Variants in OR2C1 observed in about 807,000 individuals in gnomAD.
OR2C1 encodes the protein olfactory receptor family 2 subfamily C member 1, also known as olfactory receptor 2C1.
For missense variants in OR2C1, 468 were observed against 388.3 expected (o/e 1.21, Z -1.73); for synonymous variants, 209 against 167.3 (o/e 1.25, Z -1.92).
the OR2C1 span, among the ~76,000 whole-genome samples, chr16:3,335,420 G>C: frequency 1.3e-5 from 2 of 151,402 alleles, no homozygotes; most frequent in East Asian, 3.9e-4. Context: ...TTGATTCCTA[G>C]GTGTTATATA....
the OR2C1 span, among the ~76,000 whole-genome samples, chr16:3,335,558 G>A: frequency 9.6e-6 from 1 of 103,950 alleles, no homozygotes; most frequent in African/African-American, 3.8e-5. Flanking sequence ...ATTGAGTCTC[G>A]CTCTATTGCC....
chr16:3,347,193 G>T, the OR2C1 span, among the ~76,000 whole-genome samples: 1 of 130,668 alleles, frequency 7.7e-6, no homozygotes, highest in South Asian at 2.5e-4. Flanking sequence ...GTTGCAGTGA[G>T]CCAAGATGGT....
At position 3,356,942 on chromosome 16, in the gene OR2C1, C is replaced by G. The variant is rs2150853069; in HGVS notation, c.*63C>G. 6 of 1,348,996 alleles carry G rather than the reference C, an allele frequency of 4.4e-6. No homozygotes were observed. The South Asian group carries it at 6.0e-5, about 13-fold the overall frequency. 83.6% of individuals were successfully genotyped at this position (1,348,996 alleles called of 1,614,324 possible). ...TACATGCGTTTCTCATTAACTCTCT[C>G]TGGCCAGGTGAACATGAGGAATACT... is the stretch of plus-strand genomic sequence containing the variant. On this transcript the variant is annotated 3_prime_UTR_variant, in exon 1 of 1. Coordinates refer to ENST00000304936, the MANE Select transcript of OR2C1 (RefSeq NM_012368.3).
At chr16:3,355,026 G>A (rs972823719), upstream of OR2C1, among the ~76,000 whole-genome samples, 1 of 152,054 alleles carries the variant, frequency 6.6e-6, no homozygotes, top group Admixed American at 6.6e-5. Flanking sequence ...CTGAACTGAA[G>A]GGCTCTTCAG....
At chr16:3,335,487 A>T in the OR2C1 span, among the ~76,000 whole-genome samples, 2 of 123,202 alleles carry the variant, frequency 1.6e-5, no homozygotes, top group African/African-American at 3.0e-5. Context: ...CATGTTTCAG[A>T]TTGTGTGTTA....
chr16:3,357,002 C>A lies in OR2C1; in HGVS notation c.*123C>A. The A allele has an allele frequency of 1.2e-6, 1 of 810,804 alleles. No individual in the cohort carries two copies. The highest frequency in any genetic ancestry group is 1.9e-6 in the Non-Finnish European group (1 of 515,434). The allele number at this position is 810,804 out of a possible 1,614,324, so 50.2% of individuals were successfully genotyped here. ...AAAACCAAGGCATGTTCCTGACAGC[C>A]CTAAGCTGACAGCCCTAAGCTGTTG... On this transcript the variant is annotated 3_prime_UTR_variant, in exon 1 of 1. Transcript: ENST00000304936.
At chr16:3,343,206 A>G in the OR2C1 span, among the ~76,000 whole-genome samples, 22 of 152,332 alleles carry the variant, frequency 1.4e-4, no homozygotes, top group African/African-American at 4.6e-4. Flanking sequence ...AAAGAAATAA[A>G]TATACCTATG....
At chr16:3,345,414 A>G in the OR2C1 span, among the ~76,000 whole-genome samples, 1 of 152,016 alleles carries the variant, frequency 6.6e-6, no homozygotes, top group Admixed American at 6.6e-5. Context: ...TGAACCCAGG[A>G]GGCAGAGCTT....
the OR2C1 span, chr16:3,324,028 C>A: frequency 2.3e-6 from 1 of 428,298 alleles, no homozygotes; most frequent in East Asian, 3.7e-5. Context: ...ATGATTTGTA[C>A]AATCAACTGA....
the OR2C1 span, among the ~76,000 whole-genome samples, chr16:3,348,532 C>T: frequency 5.3e-5 from 8 of 152,056 alleles, no homozygotes; most frequent in African/African-American, 7.2e-5. Context: ...GTTTATAAAC[C>T]GCTGGGCACA....
At chr16:3,345,397 A>T in the OR2C1 span, among the ~76,000 whole-genome samples, 3 of 151,860 alleles carry the variant, frequency 2.0e-5, no homozygotes, top group Non-Finnish European at 2.9e-5. Flanking sequence ...GAGGCAGGAG[A>T]ATGACGTGAA....
the OR2C1 span, among the ~76,000 whole-genome samples, chr16:3,336,064 A>G: frequency 6.6e-6 from 1 of 152,166 alleles, no homozygotes; most frequent in African/African-American, 2.4e-5. Context: ...TTTGTCATAT[A>G]TGGACTTTAT....
At chr16:3,334,718 C>G in the OR2C1 span, among the ~76,000 whole-genome samples, 2 of 151,816 alleles carry the variant, frequency 1.3e-5, no homozygotes, top group Non-Finnish European at 2.9e-5. Context: ...CTATTCTGCT[C>G]CATTGGCCTA....
chr16:3,345,625 A>G, the OR2C1 span, among the ~76,000 whole-genome samples: 1 of 152,134 alleles, frequency 6.6e-6, no homozygotes, highest in Non-Finnish European at 1.5e-5. Flanking sequence ...TACATATCCA[A>G]AGAATTACAT....
chr16:3,346,221 A>G, the OR2C1 span, among the ~76,000 whole-genome samples: 1 of 152,156 alleles, frequency 6.6e-6, no homozygotes, highest in East Asian at 1.9e-4. Context: ...CTGACTCTTT[A>G]CAATCAGATT....
chr16:3,341,874 C>CCCAATTCTT, the OR2C1 span, among the ~76,000 whole-genome samples: 1 of 152,168 alleles, frequency 6.6e-6, no homozygotes, highest in Non-Finnish European at 1.5e-5. Context: ...GGGGCTGGGG[C>CCCAATTCTT]TGAAAGTTCC....
At chr16:3,328,579 G>A in the OR2C1 span, among the ~76,000 whole-genome samples, 3 of 152,212 alleles carry the variant, frequency 2.0e-5, no homozygotes, top group Non-Finnish European at 4.4e-5. Context: ...GGAGGACAAT[G>A]TAAGCTTGGA....
Position 3,356,090 on chromosome 16 carries a change from C to T in OR2C1, c.150C>T (p.Arg50=), listed in dbSNP as rs950806012. The part of the protein sequence containing the change: ...LGNSTIILLS[R]LEARLHTPMY... ...ACTCAACCATCATCTTGCTTTCCCG[C>T]CTGGAGGCCCGGCTCCATACACCCA... The change falls in exon 1 of 1, where the codon CGC becomes CGT. Residue 50 remains arginine, a synonymous_variant. Coordinates refer to ENST00000304936, the MANE Select transcript of OR2C1 (RefSeq NM_012368.3). 3.1e-6 allele frequency: 5 copies of T among 1,614,210 alleles called. No homozygotes were observed. The highest frequency in any genetic ancestry group is 4.2e-6 in the Non-Finnish European group (5 of 1,180,040).
chr16:3,327,764 T>C, the OR2C1 span, among the ~76,000 whole-genome samples: 1 of 152,200 alleles, frequency 6.6e-6, no homozygotes, highest in East Asian at 1.9e-4. Context: ...AACAAAAAAC[T>C]AATAATAATT....
Sources: gnomAD v4.1 joint callset for allele counts (sites outside exome capture counted in the v4.1 genomes callset) on GRCh38, gnomAD v4.1.1 for gene constraint, MANE v1.5 for transcripts, NCBI Gene and HGNC (gene_info 2026-07-23, HGNC 2026-07-21) for gene names.